Variants in AMOTL2 observed in about 807,000 individuals in gnomAD.
The protein encoded by AMOTL2 is angiomotin-like protein 2.
A neutral mutation model predicts 78.4 loss-of-function variants in AMOTL2; 33 were observed. That is an observed-to-expected ratio of 0.42 (90% CI 0.32 to 0.56). The LOEUF (loss-of-function observed/expected upper bound fraction) is 0.56. AMOTL2 is among the 20% of genes least tolerant of loss of function. The pLI is 0.12. For missense variants in AMOTL2, 983 were observed against 1,030.1 expected, an observed-to-expected ratio of 0.95 and a Z score of 0.63; for synonymous variants, 422 against 428.8, an observed-to-expected ratio of 0.98 and a Z score of 0.20.
At position 134,370,787 on chromosome 3, in the gene AMOTL2, A is replaced by G; in HGVS notation, c.647T>C (p.Val216Ala). Reference protein sequence around the residue: ...SRGPPPQYPHVVLAHETTTAV... With the variant: ...SRGPPPQYPHAVLAHETTTAV... ...AGTGGTGGTCTCATGAGCTAGTACAACATGAGGGTACTGAGGTGGGGGTCC... is the reference window on the plus strand; with the variant it reads ...AGTGGTGGTCTCATGAGCTAGTACAGCATGAGGGTACTGAGGTGGGGGTCC... Residue 216 changes from valine to alanine, a missense_variant, in exon 2 of 10, where the codon GTT becomes GCT. By Grantham distance (64) the Val-to-Ala change is moderately conservative. Coordinates refer to ENST00000249883, the MANE Select transcript of AMOTL2 (RefSeq NM_016201.4). The G allele has an allele frequency of 6.5e-7, 1 of 1,542,474 alleles. No individual in the cohort carries two copies. The highest frequency in any genetic ancestry group is 8.7e-7 in the Non-Finnish European group (1 of 1,145,234).
At chr3:134,357,999 G>A (rs543220366) in intron 9 of AMOTL2, among the ~76,000 whole-genome samples, 1 of 152,338 alleles carries the variant, frequency 6.6e-6, no homozygotes, top group Admixed American at 6.5e-5. Context: ...ACTGGTTGGA[G>A]GGCTTAGAGA....
rs2017178008 is a variant in AMOTL2 at position 134,358,543 on chromosome 3, G to A, written c.2281C>T (p.Leu761=). Residue 761 remains leucine (L), a synonymous_variant, in exon 9 of 10, where the codon CTG becomes TTG. Coordinates refer to ENST00000249883, the MANE Select transcript of AMOTL2 (RefSeq NM_016201.4). ...GCSSSQRAAS[L]DSVATSRVQD... is the part of the protein sequence containing the mutation. ...AAGTGGGGTCAGGAGGACTTACCCA[G>A]AGAGGCTGCTCTCTGGCTACTGCTG... 7 of 1,612,808 alleles carry A rather than the reference G, an allele frequency of 4.3e-6. No homozygotes were observed. Among genetic ancestry groups the A allele is most frequent in the Non-Finnish European group, 5.1e-6 (6 of 1,179,322 alleles).
chr3:134,373,551 C>T (rs1331287615), intron 1 of AMOTL2: 1 of 985,466 alleles, frequency 1.0e-6, no homozygotes, highest in Non-Finnish European at 1.2e-6. Flanking sequence ...CTCTGAAGGC[C>T]GCCTTTCTAA....
rs1003307191 is a variant in AMOTL2, at chr3:134,355,920, G to T, written c.*1785C>A. 2 of 152,472 alleles carry T rather than the reference G, an allele frequency of 1.3e-5. No individual in the cohort carries two copies. The highest frequency in any genetic ancestry group is 1.3e-4 in the Admixed American group (2 of 15,260). The allele number at this position is 152,472 out of a possible 1,614,324, so 9.4% of individuals were successfully genotyped here. A position where few individuals can be genotyped will look rare whatever the true frequency, so the allele number is the denominator to read the frequency against. On this transcript the variant is annotated 3_prime_UTR_variant, in exon 10 of 10. Coordinates refer to ENST00000249883, the MANE Select transcript of AMOTL2 (RefSeq NM_016201.4). ...AATTAAAATACTGTTATACCCAGTG[G>T]AATGCGGCAGCAATCCTGGTACAGG...
In AMOTL2 at chr3:134,365,838, C is replaced by T. The variant is rs776102853; in HGVS notation, c.1258G>A (p.Val420Met). The T allele has an allele frequency of 1.2e-6, 2 of 1,614,148 alleles. No individual in the cohort carries two copies. The highest frequency in any genetic ancestry group is 1.7e-5 in the Admixed American group (1 of 60,032). The change falls in exon 5 of 10, where the codon GTG becomes ATG. Residue 420 changes from valine (V) to methionine (M), a missense_variant. Coordinates refer to ENST00000249883, the MANE Select transcript of AMOTL2 (RefSeq NM_016201.4). ...QEAQAGSQDM[V>M]AKLLAQSYEQ... ...TCACTCTGAGCAAGCAGCTTGGCCA[C>T]CATGTCCTGACTGCCGGCCTGGGCC...
chr3:134,366,252 T>A (rs1250667024), intron 4 of AMOTL2, 31 bp downstream of exon 4: 1 of 1,608,368 alleles, frequency 6.2e-7, no homozygotes, highest in East Asian at 2.2e-5. Flanking sequence ...GCAGAGGTTC[T>A]CCAACCTCCA....
At chr3:134,358,316 C>T (rs2017164835) in intron 9 of AMOTL2, among the ~76,000 whole-genome samples, 1 of 152,238 alleles carries the variant, frequency 6.6e-6, no homozygotes, top group Admixed American at 6.5e-5. Flanking sequence ...CTGGATCTGC[C>T]TCTAATCAGG....
chr3:134,358,776 G>T, intron 8 of AMOTL2, 57 bp from the exon 9 acceptor site: 5 of 1,598,846 alleles, frequency 3.1e-6, no homozygotes, highest in South Asian at 1.1e-5. Flanking sequence ...CCTGGTGAAG[G>T]ACACTCTAAG....
Position 134,371,107 on chromosome 3 carries a change from C to G in AMOTL2, c.327G>C (p.Glu109Asp). The G allele has an allele frequency of 1.9e-6, 3 of 1,613,152 alleles. No individual in the cohort carries two copies. Among genetic ancestry groups the G allele is most frequent in the Non-Finnish European group, 2.5e-6 (3 of 1,179,674 alleles). ...CATAGTACTGCGAGTGGGCTTTGGCCTCCTCATAGGTGGGCAGCTCCTCTC... is the reference window on the plus strand; with the variant it reads ...CATAGTACTGCGAGTGGGCTTTGGCGTCCTCATAGGTGGGCAGCTCCTCTC... Reference protein sequence around the residue: ...SKGEELPTYEEAKAHSQYYAA... With the variant: ...SKGEELPTYEDAKAHSQYYAA... Residue 109 changes from glutamate to aspartate, a missense_variant, in exon 2 of 10, where the codon GAG becomes GAC. Physicochemically the swap from Glu to Asp is conservative, Grantham distance 45. Coordinates refer to ENST00000249883, the MANE Select transcript of AMOTL2 (RefSeq NM_016201.4).
intron 5 of AMOTL2, among the ~76,000 whole-genome samples, chr3:134,363,269 G>C (rs2017451959): frequency 6.6e-6 from 1 of 152,180 alleles, no homozygotes; most frequent in Admixed American, 6.5e-5. Flanking sequence ...TGAAGGCTGA[G>C]CCCAGGATGG....
chr3:134,361,422 A>G, intron 6 of AMOTL2, 90 bp downstream of exon 6: 2 of 1,424,982 alleles, frequency 1.4e-6, no homozygotes, highest in South Asian at 2.8e-5. Context: ...CCGGGGCCTC[A>G]GCCCTGGCCT....
Position 134,358,634 on chromosome 3 carries a change from C to T in AMOTL2, c.2190G>A (p.Gln730=). 1.2e-6 allele frequency: 2 copies of T among 1,613,942 alleles called. No homozygotes were observed. Among genetic ancestry groups the T allele is most frequent in the Non-Finnish European group, 1.7e-6 (2 of 1,179,934 alleles). Residue 730 remains glutamine, a synonymous_variant, in exon 9 of 10, where the codon CAG becomes CAA. Transcript: ENST00000249883. ...AGGTGCTGTCTGGGGGGCCCTCAGT[C>T]TGGGTGCTCCCATCTCTGCTCCCGT... ...AKHGSRDGST[Q]TEGPPDSTST...
In AMOTL2 at chr3:134,370,914, C is replaced by A. The variant is rs535236575; in HGVS notation, c.520G>T (p.Ala174Ser). The A allele has an allele frequency of 6.2e-6, 10 of 1,612,074 alleles. No individual in the cohort carries two copies. The South Asian group carries it at 1.1e-4, about 18-fold the overall frequency. Residue 174 changes from alanine to serine, a missense_variant, in exon 2 of 10, where the codon GCC (alanine) becomes TCC (serine). Coordinates refer to ENST00000249883, the MANE Select transcript of AMOTL2 (RefSeq NM_016201.4). ...TGGGAGGAGCTCATGTGGCTGGGGG[C>A]CCGGGCGCCGTTCCTCTCCAGGGAC... is the stretch of plus-strand genomic sequence containing the variant. Reference protein sequence around the residue: ...QLSLERNGARAPSHMSSSHSF... With the variant: ...QLSLERNGARSPSHMSSSHSF...
chr3:134,361,187 G>A (rs538618458), intron 6 of AMOTL2, among the ~76,000 whole-genome samples: 3 of 151,730 alleles, frequency 2.0e-5, no homozygotes, highest in Admixed American at 6.6e-5. Context: ...AAAAAAGCTC[G>A]CAGGCCTTCT....
chr3:134,366,501 C>G (rs2017610986), intron 3 of AMOTL2, 74 bp from the exon 4 acceptor site: 1 of 1,489,662 alleles, frequency 6.7e-7, no homozygotes, highest in Admixed American at 2.2e-5. Context: ...ACCCACTACT[C>G]TCCATCAGAA....
In AMOTL2 at chr3:134,357,664, G is replaced by C. The variant is rs142696435; in HGVS notation, c.*41C>G. ...TGGCTGAGAGTGGCACAGGGCAGAG[G>C]AGGGGAGAGAATGGCTCAGAGTCCT... On this transcript the variant is annotated 3_prime_UTR_variant, in exon 10 of 10. Transcript: ENST00000249883. 490 of 1,603,196 alleles carry C rather than the reference G, an allele frequency of 3.1e-4. No homozygotes were observed. The African/African-American group carries it at 5.9e-3, about 19-fold the overall frequency.
upstream of AMOTL2, chr3:134,374,688 C>A: frequency 1.0e-6 from 1 of 981,040 alleles, no homozygotes; most frequent in South Asian, 4.7e-5. Flanking sequence ...TCCGTTCCTC[C>A]GCGCCCAGCG....
At chr3:134,363,089 CA>C (rs1412343297) in intron 5 of AMOTL2, among the ~76,000 whole-genome samples, 2 of 152,156 alleles carry the variant, frequency 1.3e-5, no homozygotes, top group Non-Finnish European at 2.9e-5. Flanking sequence ...ATCTTTGGGC[CA>C]CATGCAGCTA....
At chr3:134,372,612 G>T (rs2017919119) in intron 1 of AMOTL2, among the ~76,000 whole-genome samples, 1 of 151,410 alleles carries the variant, frequency 6.6e-6, no homozygotes, top group African/African-American at 2.4e-5. Flanking sequence ...GGCACATAAG[G>T]GATGGGCACT....
Sources: gnomAD v4.1 joint callset for allele counts (sites outside exome capture counted in the v4.1 genomes callset) on GRCh38, gnomAD v4.1.1 for gene constraint, MANE v1.5 for transcripts, NCBI Gene and HGNC (gene_info 2026-07-23, HGNC 2026-07-21) for gene names.